Variants in LEKR1 observed in about 807,000 individuals in gnomAD.
The protein encoded by LEKR1 is leucine, glutamate and lysine rich 1.
In LEKR1, 59 loss-of-function variants were observed where a neutral mutation model predicts 72.4. The observed-to-expected ratio is 0.82, with a 90% confidence interval of 0.66 to 1.01. The LOEUF (loss-of-function observed/expected upper bound fraction) is 1.01. Ranked by LOEUF, LEKR1 falls within the 50% of genes least tolerant of loss-of-function variation. The pLI is 0.00. For missense variants in LEKR1, 728 were observed against 759.2 expected (o/e 0.96, Z 0.48); for synonymous variants, 257 against 263.2 (o/e 0.98, Z 0.23).
intron 3 of LEKR1, among the ~76,000 whole-genome samples, chr3:156,913,707 C>T (rs991793526): frequency 9.9e-5 from 15 of 152,238 alleles, no homozygotes; most frequent in African/African-American, 3.6e-4. Flanking sequence ...AGTGCTTTCC[C>T]TTAATTCCCA....
intron 5 of LEKR1, among the ~76,000 whole-genome samples, chr3:156,940,158 C>G (rs1726074574): frequency 6.6e-6 from 1 of 152,050 alleles, no homozygotes; most frequent in South Asian, 2.1e-4. Context: ...ATTTATTGAG[C>G]TCTTGTTAAT....
At position 157,028,141 on chromosome 3, in the gene LEKR1, G is replaced by T; in HGVS notation, c.1407G>T (p.Arg469Ser). ...DLITGATRDL[R>S]QEVTTLKEKL... ...TCACAGGCGCTACAAGAGATCTAAG[G>T]CAGGAAGTGACCACTCTTAAAGAAA... Residue 469 changes from arginine to serine, a missense_variant, in exon 12 of 13, where the codon AGG (arginine) becomes AGT (serine). Transcript: ENST00000356539. 6.2e-7 allele frequency: 1 copy of T among 1,606,648 alleles called. No homozygotes were observed. The highest frequency in any genetic ancestry group is 8.5e-7 in the Non-Finnish European group (1 of 1,175,950).
chr3:156,880,503 A>T (rs1395682891), intron 3 of LEKR1, among the ~76,000 whole-genome samples: 1 of 152,248 alleles, frequency 6.6e-6, no homozygotes, highest in Non-Finnish European at 1.5e-5. Flanking sequence ...TTGTGGCAAT[A>T]ATCAATAGCT....
At chr3:156,971,297 C>A (rs564127625) in intron 6 of LEKR1, among the ~76,000 whole-genome samples, 1 of 152,004 alleles carries the variant, frequency 6.6e-6, no homozygotes, top group South Asian at 2.1e-4. Context: ...ATGTAGAAAG[C>A]TGAAACTGGA....
At chr3:156,925,937 A>G (rs1724672645) in intron 4 of LEKR1, among the ~76,000 whole-genome samples, 1 of 152,054 alleles carries the variant, frequency 6.6e-6, no homozygotes. Flanking sequence ...TTGGATGTAT[A>G]TAATTTTTAA....
chr3:156,974,782 T>A (rs1029049226), intron 6 of LEKR1, among the ~76,000 whole-genome samples: 1 of 152,158 alleles, frequency 6.6e-6, no homozygotes, highest in Non-Finnish European at 1.5e-5. Flanking sequence ...TGTGTTCCCA[T>A]CATCCATAGT....
chr3:156,988,084 G>T (rs988850612), intron 7 of LEKR1: 21 of 153,564 alleles, frequency 1.4e-4, no homozygotes, highest in African/African-American at 4.8e-4. Flanking sequence ...GTGACTTGGA[G>T]ACATGCTCTT....
intron 12 of LEKR1, among the ~76,000 whole-genome samples, chr3:157,044,637 A>G (rs1176824930): frequency 6.6e-6 from 1 of 152,220 alleles, no homozygotes; most frequent in Non-Finnish European, 1.5e-5. Flanking sequence ...CTACGAAGGT[A>G]CAAACTTCTT....
intron 2 of LEKR1, among the ~76,000 whole-genome samples, chr3:156,841,656 G>A (rs344086): frequency 0.17 from 25,283 of 152,092 alleles, 2,513 homozygotes; most frequent in African/African-American, 0.26. Context: ...TCCCTGTTTG[G>A]GGTGCTTGAT....
At chr3:157,006,021 C>T (rs536443262) in intron 9 of LEKR1, among the ~76,000 whole-genome samples, 3 of 145,352 alleles carry the variant, frequency 2.1e-5, no homozygotes, top group South Asian at 2.1e-4. Context: ...TTTTTTGAGA[C>T]GGAGTCTCGC....
chr3:157,028,852 A>T lies in LEKR1; in HGVS notation c.1668+450A>T, dbSNP rs563400288. Among the ~76,000 whole-genome samples, 304 of 152,326 alleles carry T rather than the reference A, an allele frequency of 2.0e-3. 5 individuals carry two copies. Among genetic ancestry groups the T allele is most frequent in the African/African-American group, 6.9e-3 (287 of 41,578 alleles). On this transcript the variant is annotated intron_variant, in intron 12 of 12. Coordinates refer to ENST00000356539, the MANE Select transcript of LEKR1 (RefSeq NM_001004316.3). ...TTACTTCCTATCAATGTAAACTTAT[A>T]AGGTAATATGCATGCGTCGGTTTTC...
intron 11 of LEKR1, among the ~76,000 whole-genome samples, chr3:157,025,723 C>A (rs1734137469): frequency 6.6e-6 from 1 of 152,122 alleles, no homozygotes; most frequent in South Asian, 2.1e-4. Context: ...GCAGATACTA[C>A]CTTGAAATTC....
chr3:156,954,397 A>G (rs1242914195), intron 6 of LEKR1, among the ~76,000 whole-genome samples: 1 of 151,888 alleles, frequency 6.6e-6, no homozygotes, highest in African/African-American at 2.4e-5. Context: ...TTTTGTTGCT[A>G]TTGCTTTTAA....
At chr3:156,830,800 A>C (rs956081469) in intron 2 of LEKR1, among the ~76,000 whole-genome samples, 6 of 152,322 alleles carry the variant, frequency 3.9e-5, no homozygotes, top group Admixed American at 2.0e-4. Context: ...TAATGCCAGC[A>C]AAGGATGGTT....
At chr3:156,996,542 T>C (rs1456709284) in intron 9 of LEKR1, among the ~76,000 whole-genome samples, 4 of 152,214 alleles carry the variant, frequency 2.6e-5, no homozygotes, top group East Asian at 3.8e-4. Context: ...AGTGACACTG[T>C]AGAAAAATCA....
chr3:156,948,940 T>A (rs1726915341), intron 6 of LEKR1, among the ~76,000 whole-genome samples: 1 of 151,130 alleles, frequency 6.6e-6, no homozygotes, highest in African/African-American at 2.4e-5. Flanking sequence ...TTTTTTCCTA[T>A]TTGGCCTCAT....
intron 3 of LEKR1, among the ~76,000 whole-genome samples, chr3:156,902,194 A>T (rs1017832564): frequency 1.3e-5 from 2 of 152,014 alleles, no homozygotes; most frequent in African/African-American, 2.4e-5. Flanking sequence ...TGATTTGCTG[A>T]CCTATTTCCT....
At chr3:156,927,186 C>G (rs1724799171) in intron 4 of LEKR1, among the ~76,000 whole-genome samples, 1 of 151,840 alleles carries the variant, frequency 6.6e-6, no homozygotes, top group African/African-American at 2.4e-5. Context: ...AGTTAGCTAT[C>G]TTTCTTTGTA....
chr3:156,902,907 T>G (rs1415466487), intron 3 of LEKR1, among the ~76,000 whole-genome samples: 1 of 152,094 alleles, frequency 6.6e-6, no homozygotes, highest in Non-Finnish European at 1.5e-5. Flanking sequence ...AAAAGCACCA[T>G]AATGTAAGCA....
Sources: gnomAD v4.1 joint callset for allele counts (sites outside exome capture counted in the v4.1 genomes callset) on GRCh38, gnomAD v4.1.1 for gene constraint, MANE v1.5 for transcripts, NCBI Gene and HGNC (gene_info 2026-07-23, HGNC 2026-07-21) for gene names.